The following STAC2 variants were observed in gnomAD, a reference collection of about 807,000 sequenced individuals.
STAC2 encodes SH3 and cysteine-rich domain-containing protein 2.
Under a neutral mutation model 49.0 loss-of-function variants are expected in STAC2, and 36 were observed. The ratio of observed to expected loss-of-function variants is 0.74; its 90% confidence interval spans 0.56 to 0.97. The LOEUF (loss-of-function observed/expected upper bound fraction) is 0.97, where lower values mean the gene tolerates loss of function less well. Ranked by LOEUF, STAC2 falls within the 50% of genes least tolerant of loss-of-function variation. The probability of loss-of-function intolerance (pLI) is 0.00; values close to 1 mark genes in which losing one functional copy is unlikely to be tolerated. For missense variants in STAC2, 527 were observed against 543.8 expected, an observed-to-expected ratio of 0.97 and a Z score of 0.31; for synonymous variants, 239 against 214.7, an observed-to-expected ratio of 1.11 and a Z score of -0.99.
intron 7 of STAC2, 94 bp downstream of exon 7, chr17:39,214,697 C>T (rs2046384942): frequency 5.6e-6 from 8 of 1,426,722 alleles, no homozygotes; most frequent in Non-Finnish European, 6.7e-6. Context: ...AATCCCCACG[C>T]ACCATGCTCT....
At chr17:39,224,834 G>T (rs2046495527) in intron 1 of STAC2, among the ~76,000 whole-genome samples, 1 of 152,108 alleles carries the variant, frequency 6.6e-6, no homozygotes, top group Non-Finnish European at 1.5e-5. Flanking sequence ...GCGCACCCCC[G>T]GCCGCGGCCT....
Position 39,225,464 on chromosome 17 carries a change from G to A in STAC2, c.39C>T (p.Asp13=), listed in dbSNP as rs909691965. 6.2e-7 allele frequency: 1 copy of A among 1,610,044 alleles called. No homozygotes were observed. The highest frequency in any genetic ancestry group is 1.3e-5 in the African/African-American group (1 of 74,382). ...TCCCTGGGGGGCTGTGGGTGGCCGC[G>A]TCATCCGGTTCGTTCTCCTTCTCGC... ...EMSEKENEPD[D]AATHSPPGTV... Residue 13 remains aspartate, a synonymous_variant, in exon 1 of 11, where the codon GAC becomes GAT. Coordinates refer to ENST00000333461, the MANE Select transcript of STAC2 (RefSeq NM_198993.5). This position sits in a 1 kb window ranked among gnomAD's most constrained non-coding sequence, Gnocchi z 8.2.
Position 39,211,967 on chromosome 17 carries a change from C to T in STAC2, c.*325G>A, listed in dbSNP as rs890996190. ...CTGGGAGAAGCAGCAAATAAATTCC[C>T]CAGGAATCTTCCCCAGGGCTGGACT... On this transcript the variant is annotated 3_prime_UTR_variant, in exon 11 of 11. Transcript: ENST00000333461. 68 of 273,324 alleles carry T rather than the reference C, an allele frequency of 2.5e-4. No individual in the cohort carries two copies. Among genetic ancestry groups the T allele is most frequent in the African/African-American group, 1.4e-3 (64 of 44,896 alleles). 16.9% of individuals were successfully genotyped at this position (273,324 alleles called of 1,614,324 possible).
At chr17:39,216,742 GGTCAGGGATGTT>G in intron 4 of STAC2, 56 bp downstream of exon 4, 1 of 1,434,228 alleles carries the variant, frequency 7.0e-7, no homozygotes, top group South Asian at 1.2e-5. Context: ...TGGCCAGGCT[GGTCAGGGATGTT>G]GATTTCTCAT....
chr17:39,216,729 T>G (rs1244232776), intron 4 of STAC2, 81 bp downstream of exon 4: 1 of 1,352,888 alleles, frequency 7.4e-7, no homozygotes, highest in Non-Finnish European at 1.0e-6. Flanking sequence ...GGTTTCACTG[T>G]GTTGGCCAGG....
At chr17:39,220,142 T>A (rs537661757) in intron 1 of STAC2, among the ~76,000 whole-genome samples, 1 of 152,136 alleles carries the variant, frequency 6.6e-6, no homozygotes, top group African/African-American at 2.4e-5. Context: ...GTGGGCTTCT[T>A]TGTGTATCTA....
At position 39,225,623 on chromosome 17, in the gene STAC2, G is replaced by GC; in HGVS notation, c.-122dup. On this transcript the variant is annotated 5_prime_UTR_variant, in exon 1 of 11. Transcript: ENST00000333461. This position sits in a 1 kb window ranked among gnomAD's most constrained non-coding sequence, Gnocchi z 8.2. ...GTTCTCCAGAGGCTGCCCCCAGTTA[G>GC]CCCCCGGCACGGCAGCCCCCAACCC... is the stretch of plus-strand genomic sequence containing the variant. The GC allele has an allele frequency of 1.0e-6, 1 of 974,934 alleles. No homozygotes were observed. The highest frequency in any genetic ancestry group is 1.6e-6 in the Non-Finnish European group (1 of 640,060). The allele number at this position is 974,934 out of a possible 1,614,324, so 60.4% of individuals were successfully genotyped here. A position where few individuals can be genotyped will look rare whatever the true frequency, so the allele number is the denominator to read the frequency against.
chr17:39,216,621 G>T (rs2046404382), intron 4 of STAC2, among the ~76,000 whole-genome samples, 189 bp downstream of exon 4: 1 of 151,592 alleles, frequency 6.6e-6, no homozygotes, highest in African/African-American at 2.4e-5. Context: ...CTTTTTTTTT[G>T]AGATGGAGTC....
In STAC2 at chr17:39,214,794, C is replaced by T; in HGVS notation, c.840G>A (p.Gln280=). The change falls in exon 7 of 11, where the codon CAG becomes CAA. Residue 280 remains glutamine, a synonymous_variant. Transcript: ENST00000333461. Reference sequence around the variant, plus strand: ...GCCAATGCCAGTACAGGCTCACCTGCTGTCCAGGACTCTTCTCCTCTGGTC... The same window carrying T: ...GCCAATGCCAGTACAGGCTCACCTGTTGTCCAGGACTCTTCTCCTCTGGTC... ...GPGPEEKSPG[Q]QLPKATLRKD... 2 of 1,613,964 alleles carry T rather than the reference C, an allele frequency of 1.2e-6. No homozygotes were observed. Among genetic ancestry groups the T allele is most frequent in the Non-Finnish European group, 1.7e-6 (2 of 1,179,918 alleles).
In STAC2 at chr17:39,213,560, T is replaced by C; in HGVS notation, c.942-2A>G. On this transcript the variant is annotated splice_acceptor_variant, in intron 8 of 10. Coordinates refer to ENST00000333461, the MANE Select transcript of STAC2 (RefSeq NM_198993.5). LOFTEE classifies it high-confidence loss of function. ...ACCAGCATGATCCGATCTCCAGGCC[T>C]GGGGAGGACAGAGCTAGGGTTGCAT... 6.2e-7 allele frequency: 1 copy of C among 1,612,980 alleles called. No individual in the cohort carries two copies. The highest frequency in any genetic ancestry group is 8.5e-7 in the Non-Finnish European group (1 of 1,179,420).
intron 7 of STAC2, 68 bp from the exon 8 acceptor site, chr17:39,214,398 C>T: frequency 6.2e-7 from 1 of 1,604,394 alleles, no homozygotes; most frequent in Non-Finnish European, 8.5e-7. Flanking sequence ...TCCACTCGCT[C>T]TGAGTGTGCT....
chr17:39,222,224 C>T (rs937053310), intron 1 of STAC2, among the ~76,000 whole-genome samples: 2 of 152,286 alleles, frequency 1.3e-5, no homozygotes, highest in Non-Finnish European at 2.9e-5. Flanking sequence ...AGTCTCCCTA[C>T]CCTCCAGGCT....
chr17:39,221,388 C>T (rs529438385), intron 1 of STAC2, among the ~76,000 whole-genome samples: 58 of 152,304 alleles, frequency 3.8e-4, no homozygotes, highest in African/African-American at 1.4e-3. Context: ...CGTCAGCCAC[C>T]GCGCCTGGCC....
At chr17:39,220,891 G>A (rs1432237965) in intron 1 of STAC2, among the ~76,000 whole-genome samples, 1 of 151,704 alleles carries the variant, frequency 6.6e-6, no homozygotes, top group Non-Finnish European at 1.5e-5. Flanking sequence ...CCGCCTCCCG[G>A]GTACACGCCA....
Position 39,215,067 on chromosome 17 carries a change from T to C in STAC2, c.700-44A>G, listed in dbSNP as rs753311055. ...GAGGGCTCAGCCCCCGAGCCCACTG[T>C]CATGCTCAGACACCCCTCCCCAAAA... On this transcript the variant is annotated intron_variant, in intron 5 of 10. Transcript: ENST00000333461. 6 of 1,613,840 alleles carry C rather than the reference T, an allele frequency of 3.7e-6. No individual in the cohort carries two copies. In the Admixed American group the frequency reaches 8.3e-5, roughly 22 times the overall value.
chr17:39,217,288 GCCCAGCACCTA>G (rs2046414252), intron 2 of STAC2, 115 bp from the exon 3 acceptor site: 2 of 946,298 alleles, frequency 2.1e-6, no homozygotes, highest in Admixed American at 4.0e-5. Context: ...CAGCCTTGAG[GCCCAGCACCTA>G]CCCCTCACAC....
chr17:39,212,436 T>C, intron 10 of STAC2, 40 bp from the exon 11 acceptor site: 2 of 1,525,716 alleles, frequency 1.3e-6, no homozygotes, highest in Non-Finnish European at 1.8e-6. Context: ...TGGCATGGCC[T>C]GCAGCCCTGG....
At position 39,214,435 on chromosome 17, in the gene STAC2, T is replaced by A. The variant is rs1231816375; in HGVS notation, c.844-105A>T. ...CCCTGGGGGCTGTGAGGGGACACAG[T>A]GAGTCCTAGGTCAACGGCAGGGAGA... On this transcript the variant is annotated intron_variant, in intron 7 of 10. Transcript: ENST00000333461. 8.3e-6 allele frequency: 13 copies of A among 1,561,348 alleles called. No individual in the cohort carries two copies. In the East Asian group the frequency reaches 3.0e-4, roughly 36 times the overall value.
At position 39,225,449 on chromosome 17, in the gene STAC2, G is replaced by T. The variant is rs201263747; in HGVS notation, c.54C>A (p.Ser18Arg). The T allele has an allele frequency of 1.2e-6, 2 of 1,609,488 alleles. No individual in the cohort carries two copies. Among genetic ancestry groups the T allele is most frequent in the Non-Finnish European group, 1.7e-6 (2 of 1,178,668 alleles). The change falls in exon 1 of 11, where the codon AGC becomes AGA. Residue 18 changes from serine to arginine, a missense_variant. Ser to Arg is a moderately radical substitution (Grantham distance 110). Transcript: ENST00000333461. The surrounding 1 kb of genome is among the most constrained non-coding windows in gnomAD (Gnocchi z 8.2). ...ENEPDDAATH[S>R]PPGTVSALQE... Reference sequence around the variant, plus strand: ...GGAGGGCGGAGACGGTCCCTGGGGGGCTGTGGGTGGCCGCGTCATCCGGTT... The same window carrying T: ...GGAGGGCGGAGACGGTCCCTGGGGGTCTGTGGGTGGCCGCGTCATCCGGTT...
Sources: gnomAD v4.1 joint callset for allele counts (sites outside exome capture counted in the v4.1 genomes callset) on GRCh38, gnomAD v4.1.1 for gene constraint, Gnocchi (gnomAD v3.1) non-coding constraint, MANE v1.5 for transcripts, NCBI Gene and HGNC (gene_info 2026-07-23, HGNC 2026-07-21) for gene names.